Variants in FAM219A observed in about 807,000 individuals in gnomAD.
The protein encoded by FAM219A is family with sequence similarity 219 member A, also known as protein FAM219A.
In FAM219A, 7 loss-of-function variants were observed where a neutral mutation model predicts 23.4. The ratio of observed to expected loss-of-function variants is 0.30; its 90% CI spans 0.17 to 0.56. FAM219A has a LOEUF of 0.56. FAM219A is among the 20% of genes least tolerant of loss of function. The pLI is 0.92. For synonymous variants in FAM219A, 93 were observed against 99.0 expected (o/e 0.94, Z 0.36); for missense variants, 166 against 246.9 (o/e 0.67, Z 2.20).
chr9:34,412,670 G>A lies in FAM219A; in HGVS notation c.61-6706C>T, dbSNP rs142005823. Among the ~76,000 whole-genome samples, 455 of 152,032 alleles carry A rather than the reference G, an allele frequency of 3.0e-3. 4 individuals carry two copies. The highest frequency in any genetic ancestry group is 5.2e-3 in the South Asian group (25 of 4,798). On this transcript the variant is annotated intron_variant, in intron 1 of 5. Coordinates refer to ENST00000651358, the MANE Select transcript of FAM219A (RefSeq NM_001184940.2). The stretch of plus-strand genomic sequence containing the variant: ...CCTTAGATAATGAATGGAGGAAGGA[G>A]ACTGGGTAGGAACAGAGAGGAATAA...
At chr9:34,452,836 G>T (rs565739434) in intron 1 of FAM219A, among the ~76,000 whole-genome samples, 3 of 152,244 alleles carry the variant, frequency 2.0e-5, no homozygotes, top group Admixed American at 6.5e-5. Context: ...ACCACTCGAT[G>T]AGAGCCCTTC....
chr9:34,417,365 C>T lies in FAM219A; in HGVS notation c.61-11401G>A, dbSNP rs561907710. ...CCCAGCCCCTAGCTTTATATTCTTACATAGTTTTTGTAACTATCAGTTTAA... is the reference window on the plus strand; with the variant it reads ...CCCAGCCCCTAGCTTTATATTCTTATATAGTTTTTGTAACTATCAGTTTAA... On this transcript the variant is annotated intron_variant, in intron 1 of 5. Transcript: ENST00000651358. The surrounding 1 kb of genome is among the most constrained non-coding windows in gnomAD (Gnocchi z 4.1). Among the ~76,000 whole-genome samples the T allele has an allele frequency of 1.3e-5, 2 of 152,142 alleles. No individual in the cohort carries two copies. Among genetic ancestry groups the T allele is most frequent in the Non-Finnish European group, 2.9e-5 (2 of 68,016 alleles).
chr9:34,421,044 G>GAGAGAGAGAGAGAGAGAGAGAGAC (rs770336544), intron 1 of FAM219A, among the ~76,000 whole-genome samples: 5 of 146,856 alleles, frequency 3.4e-5, no homozygotes, highest in African/African-American at 1.3e-4. Context: ...GAGAGAGAGA[G>GAGAGAGAGAGAGAGAGAGAGAGAC]AATGGCTCTG....
At chr9:34,410,670 C>A (rs553549817) in intron 1 of FAM219A, among the ~76,000 whole-genome samples, 1 of 152,298 alleles carries the variant, frequency 6.6e-6, no homozygotes, top group African/African-American at 2.4e-5. Context: ...CTTGGATGGG[C>A]TGACCTCACT....
In FAM219A at chr9:34,398,764, T is replaced by G; in HGVS notation, c.*2200A>C. The G allele has an allele frequency of 6.6e-6, 1 of 152,178 alleles. No individual in the cohort carries two copies. Among genetic ancestry groups the G allele is most frequent in the South Asian group, 1.6e-4 (1 of 6,210 alleles). The allele number at this position is 152,178 out of a possible 1,614,324, so 9.4% of individuals were successfully genotyped here. A position where few individuals can be genotyped will look rare whatever the true frequency, so the allele number is the denominator to read the frequency against. ...GTGGTGGTGGTGGTAGTGGGAGGGC[T>G]GGCTCTGGGGTCCAGATGATGGGGG... On this transcript the variant is annotated 3_prime_UTR_variant, in exon 6 of 6. Coordinates refer to ENST00000651358, the MANE Select transcript of FAM219A (RefSeq NM_001184940.2).
chr9:34,422,172 C>G (rs1393745137), intron 1 of FAM219A, among the ~76,000 whole-genome samples: 1 of 152,162 alleles, frequency 6.6e-6, no homozygotes, highest in Admixed American at 6.5e-5. Context: ...TTGTTCGGAA[C>G]AATTTAGCCC....
chr9:34,445,983 T>TA (rs1192303589), intron 1 of FAM219A, among the ~76,000 whole-genome samples: 1 of 152,134 alleles, frequency 6.6e-6, no homozygotes, highest in African/African-American at 2.4e-5. Context: ...AAGACCAGCC[T>TA]AGCCAACATG....
intron 1 of FAM219A, among the ~76,000 whole-genome samples, chr9:34,418,747 G>A (rs1822132275): frequency 6.6e-6 from 1 of 152,044 alleles, no homozygotes; most frequent in Admixed American, 6.6e-5. Context: ...AGGAGTTAAG[G>A]TACAAAGTTC....
intron 1 of FAM219A, among the ~76,000 whole-genome samples, chr9:34,414,271 G>A (rs1004054351): frequency 5.9e-5 from 9 of 152,168 alleles, no homozygotes; most frequent in Non-Finnish European, 2.9e-5. Context: ...TCTGCAGTAT[G>A]ACCTGAAGTC....
chr9:34,411,100 C>G (rs1220772921), intron 1 of FAM219A, among the ~76,000 whole-genome samples: 1 of 152,186 alleles, frequency 6.6e-6, no homozygotes, highest in African/African-American at 2.4e-5. Flanking sequence ...AGGTTGGAGC[C>G]TGGCTTATAT....
intron 1 of FAM219A, among the ~76,000 whole-genome samples, chr9:34,437,757 G>A (rs142043955): frequency 8.5e-5 from 13 of 152,376 alleles, no homozygotes; most frequent in African/African-American, 3.1e-4. Context: ...AGGTGACAGC[G>A]TGCTGGCAGT....
Position 34,400,954 on chromosome 9 carries a change from GC to G in FAM219A, c.*9del. 1.3e-6 allele frequency: 2 copies of G among 1,531,004 alleles called. No individual in the cohort carries two copies. The highest frequency in any genetic ancestry group is 1.8e-6 in the Non-Finnish European group (2 of 1,134,388). The allele number at this position is 1,531,004 out of a possible 1,614,324, so 94.8% of individuals were successfully genotyped here. A position where few individuals can be genotyped will look rare whatever the true frequency, so the allele number is the denominator to read the frequency against. On this transcript the variant is annotated 3_prime_UTR_variant, in exon 6 of 6. Coordinates refer to ENST00000651358, the MANE Select transcript of FAM219A (RefSeq NM_001184940.2). Reference sequence around the variant, plus strand: ...CGGCCCCGCCCCGGCGACCGCAGTGGCCCCGCCCGCTACTGAATGTGGCAGG... The same window carrying G: ...CGGCCCCGCCCCGGCGACCGCAGTGGCCCGCCCGCTACTGAATGTGGCAGG...
intron 1 of FAM219A, among the ~76,000 whole-genome samples, chr9:34,444,499 A>G (rs533693632): frequency 3.9e-5 from 6 of 152,206 alleles, no homozygotes; most frequent in African/African-American, 1.4e-4. Flanking sequence ...CTCCATTAAT[A>G]GCTTCTCCAG....
chr9:34,430,636 CA>C (rs757627612), intron 1 of FAM219A, among the ~76,000 whole-genome samples: 1,250 of 56,234 alleles, frequency 0.022, 7 homozygotes, highest in African/African-American at 0.063. Flanking sequence ...GACTCCGTCT[CA>C]AAAAAAAAAA....
intron 1 of FAM219A, chr9:34,406,227 C>T (rs1821632584): frequency 1.1e-6 from 1 of 928,278 alleles, no homozygotes; most frequent in Non-Finnish European, 1.3e-6. Context: ...GGTCCAGCCT[C>T]CTCCAGAAAG....
At chr9:34,447,043 C>A (rs1045065567) in intron 1 of FAM219A, among the ~76,000 whole-genome samples, 1 of 152,240 alleles carries the variant, frequency 6.6e-6, no homozygotes, top group African/African-American at 2.4e-5. Context: ...TCCAATCACA[C>A]AGCCTCCCTA....
chr9:34,433,877 G>T (rs76349840), intron 1 of FAM219A, among the ~76,000 whole-genome samples: 14 of 152,064 alleles, frequency 9.2e-5, no homozygotes, highest in African/African-American at 3.4e-4. Flanking sequence ...ACTCTCCTCT[G>T]CCCTCCCCGT....
At chr9:34,401,567 C>T in intron 5 of FAM219A, 99 bp downstream of exon 5, 1 of 1,394,312 alleles carries the variant, frequency 7.2e-7, no homozygotes. Context: ...CTTGCCCAGC[C>T]CTCTTTTTCC....
Position 34,398,873 on chromosome 9 carries a change from A to G in FAM219A, c.*2091T>C. ...TATGGGCCTTGTGGGTCCTGCAGGT[A>G]CCTTCTCTGTCCTTGCCTCCCTTTG... On this transcript the variant is annotated 3_prime_UTR_variant, in exon 6 of 6. Transcript: ENST00000651358. 1 of 161,508 alleles carries G rather than the reference A, an allele frequency of 6.2e-6. No homozygotes were observed. The highest frequency in any genetic ancestry group is 1.4e-5 in the Non-Finnish European group (1 of 73,084). 10.0% of individuals were successfully genotyped at this position (161,508 alleles called of 1,614,324 possible). A position where few individuals can be genotyped will look rare whatever the true frequency, so the allele number is the denominator to read the frequency against.
Sources: allele counts gnomAD v4.1 joint callset (sites outside exome capture counted in the v4.1 genomes callset), GRCh38; gene constraint gnomAD v4.1.1; non-coding constraint Gnocchi (gnomAD v3.1); transcripts MANE v1.5; gene names NCBI Gene and HGNC (gene_info 2026-07-23, HGNC 2026-07-21).